The following TRMT1L variants were observed in gnomAD, a reference collection of about 807,000 sequenced individuals.
TRMT1L encodes the protein tRNA (guanine(27)-N(2))-dimethyltransferase.
TRMT1L carries 28 observed loss-of-function variants against 81.6 expected under a neutral mutation model. The observed-to-expected ratio is 0.34, with a 90% CI of 0.25 to 0.47. The LOEUF (loss-of-function observed/expected upper bound fraction) is 0.47. Ranked by LOEUF, TRMT1L falls within the 20% of genes least tolerant of loss-of-function variation. The pLI, the probability that TRMT1L is intolerant of heterozygous loss-of-function variation, is 1.00. For synonymous variants in TRMT1L, 301 were observed against 303.2 expected (o/e 0.99, Z 0.07); for missense variants, 739 against 877.1 (o/e 0.84, Z 1.99).
At chr1:185,135,410 C>T (rs1293621736) in intron 10 of TRMT1L, among the ~76,000 whole-genome samples, 14 of 142,730 alleles carry the variant, frequency 9.8e-5, no homozygotes, top group Non-Finnish European at 2.1e-4. Context: ...AATGAGACTC[C>T]GTCTCAAAAA....
chr1:185,151,938 GAA>G lies in TRMT1L; in HGVS notation c.236-5_236-4del. ...CCTTTGAATTGAGATGTGTCTCTCT[GAA>G]AAAAAAAATTGAGAAGATTATGCTT... On this transcript the variant is annotated splice_polypyrimidine_tract_variant and splice_region_variant and intron_variant, in intron 1 of 14. Transcript: ENST00000367506. 3.4e-6 allele frequency: 5 copies of G among 1,485,452 alleles called. No homozygotes were observed. Among genetic ancestry groups the G allele is most frequent in the East Asian group, 2.4e-5 (1 of 41,266 alleles). 92.0% of individuals were successfully genotyped at this position (1,485,452 alleles called of 1,614,324 possible).
intron 11 of TRMT1L, among the ~76,000 whole-genome samples, chr1:185,125,841 G>A (rs763545770): frequency 1.3e-5 from 2 of 152,004 alleles, no homozygotes; most frequent in Non-Finnish European, 2.9e-5. Context: ...GCAATGAAGA[G>A]GTTTTCACAA....
In TRMT1L at chr1:185,137,652, C is replaced by G; in HGVS notation, c.1467G>C (p.Gln489His). 6.2e-7 allele frequency: 1 copy of G among 1,614,156 alleles called. No homozygotes were observed. Among genetic ancestry groups the G allele is most frequent in the Non-Finnish European group, 8.5e-7 (1 of 1,180,016 alleles). ...TCTGAAAAATTCTCTCTTCACACCA[C>G]TGACAATGGATCAGGTATTGAATCT... ...AKKIQYLIHC[Q>H]WCEERIFQKD... The change falls in exon 10 of 15, where the codon CAG becomes CAC. Residue 489 changes from glutamine to histidine, a missense_variant. Physicochemically the swap from Gln to His is conservative, Grantham distance 24. Coordinates refer to ENST00000367506, the MANE Select transcript of TRMT1L (RefSeq NM_030934.5).
intron 6 of TRMT1L, 62 bp downstream of exon 6, chr1:185,143,844 A>G: frequency 7.1e-7 from 1 of 1,418,250 alleles, no homozygotes; most frequent in Admixed American, 2.1e-5. Flanking sequence ...CATAAAGGTT[A>G]AGAGAAGGTA....
rs1423017654 is a variant in TRMT1L at position 185,137,733 on chromosome 1, C to T, written c.1386G>A (p.Val462=). 6.2e-7 allele frequency: 1 copy of T among 1,614,124 alleles called. No individual in the cohort carries two copies. Among genetic ancestry groups the T allele is most frequent in the Non-Finnish European group, 8.5e-7 (1 of 1,180,010 alleles). The part of the protein sequence containing the change: ...VLFAVALEHF[V]LVVVRVLRGP... ...CCCTCAAAACTCTCACAACTACCAA[C>T]ACAAAATGTTCCAGAGCCACTGCAA... The change falls in exon 10 of 15, where the codon GTG becomes GTA. Residue 462 remains valine, a synonymous_variant. Coordinates refer to ENST00000367506, the MANE Select transcript of TRMT1L (RefSeq NM_030934.5).
chr1:185,147,313 C>T, intron 3 of TRMT1L, 67 bp from the exon 4 acceptor site: 2 of 1,226,758 alleles, frequency 1.6e-6, no homozygotes, highest in Non-Finnish European at 2.4e-6. Flanking sequence ...AAATTATAAG[C>T]AAGTTTTATT....
intron 12 of TRMT1L, 29 bp from the exon 13 acceptor site, chr1:185,123,948 A>G (rs1379393383): frequency 2.4e-6 from 3 of 1,270,956 alleles, no homozygotes; most frequent in Non-Finnish European, 3.3e-6. Flanking sequence ...GGGAAAAGAA[A>G]ATATTTTACA....
At position 185,145,469 on chromosome 1, in the gene TRMT1L, T is replaced by C; in HGVS notation, c.625A>G (p.Lys209Glu). 1 of 1,611,898 alleles carries C rather than the reference T, an allele frequency of 6.2e-7. No homozygotes were observed. The highest frequency in any genetic ancestry group is 8.5e-7 in the Non-Finnish European group (1 of 1,178,492). Residue 209 changes from lysine (K) to glutamate (E), a missense_variant, in exon 5 of 15, where the codon AAA (lysine) becomes GAA (glutamate). By Grantham distance (56) the Lys-to-Glu change is moderately conservative (BLOSUM62 1). Coordinates refer to ENST00000367506, the MANE Select transcript of TRMT1L (RefSeq NM_030934.5). The stretch of plus-strand genomic sequence containing the variant: ...ATATAACTAGATTTAGTCTCTCCTT[T>C]ATTCATGTGGCGCCTAACATGTCCT... ...MLGHVRRHMN[K>E]GETKSSYIAA...
chr1:185,150,832 A>G (rs1439149436), intron 2 of TRMT1L, among the ~76,000 whole-genome samples: 1 of 152,258 alleles, frequency 6.6e-6, no homozygotes, highest in African/African-American at 2.4e-5. Flanking sequence ...GACAGCTGAA[A>G]GGACAGCAGT....
rs745514261 is a variant in TRMT1L, at chr1:185,144,042, A to C, written c.656-13T>G. ...TTAGCAGTGGAAGCTAAGATGGAAA[A>C]AAGAAAAGATTTCCAGGGAAACACA... On this transcript the variant is annotated splice_polypyrimidine_tract_variant and intron_variant, in intron 5 of 14. Coordinates refer to ENST00000367506, the MANE Select transcript of TRMT1L (RefSeq NM_030934.5). 5.8e-6 allele frequency: 9 copies of C among 1,562,852 alleles called. No homozygotes were observed. Among genetic ancestry groups the C allele is most frequent in the Non-Finnish European group, 7.8e-6 (9 of 1,158,772 alleles).
intron 11 of TRMT1L, among the ~76,000 whole-genome samples, chr1:185,126,395 C>G (rs1025110541): frequency 6.6e-6 from 1 of 151,996 alleles, no homozygotes; most frequent in African/African-American, 2.4e-5. Context: ...CCCGGGTTCA[C>G]GACATTCTCC....
chr1:185,125,316 T>C lies in TRMT1L; in HGVS notation c.1593-206A>G, dbSNP rs539534467. On this transcript the variant is annotated intron_variant, in intron 11 of 14. Transcript: ENST00000367506. Reference sequence around the variant, plus strand: ...TTTTTTGAGATAGAGTCCCGTCCTGTTGCCTAGGCTATAGTATTTTATTAT... The same window carrying C: ...TTTTTTGAGATAGAGTCCCGTCCTGCTGCCTAGGCTATAGTATTTTATTAT... Among the ~76,000 whole-genome samples, 26 of 152,226 alleles carry C rather than the reference T, an allele frequency of 1.7e-4. No homozygotes were observed. In the East Asian group the frequency reaches 4.6e-3, roughly 27 times the overall value.
rs1653612486 is a variant in TRMT1L, at chr1:185,156,764, G to A, written c.-52C>T. 2 of 1,605,640 alleles carry A rather than the reference G, an allele frequency of 1.2e-6. No homozygotes were observed. The highest frequency in any genetic ancestry group is 1.7e-6 in the Non-Finnish European group (2 of 1,176,726). ...CCGGGGACCCGGAGCGGGGCTCACG[G>A]CGGGGTCAGAGAACTGACGTGAATG... On this transcript the variant is annotated 5_prime_UTR_variant, in exon 1 of 15. Transcript: ENST00000367506.
At chr1:185,132,963 C>T (rs1324774753) in intron 10 of TRMT1L, among the ~76,000 whole-genome samples, 1 of 152,046 alleles carries the variant, frequency 6.6e-6, no homozygotes, top group Non-Finnish European at 1.5e-5. Flanking sequence ...AACAGAAGCC[C>T]TTGCACAACA....
chr1:185,126,754 C>A (rs1344098607), intron 11 of TRMT1L, among the ~76,000 whole-genome samples: 1 of 152,066 alleles, frequency 6.6e-6, no homozygotes, highest in Non-Finnish European at 1.5e-5. Context: ...ATTCATAATC[C>A]CAGCACTTCG....
intron 12 of TRMT1L, among the ~76,000 whole-genome samples, chr1:185,124,380 C>A (rs1177806039): frequency 2.0e-5 from 3 of 148,132 alleles, no homozygotes; most frequent in Non-Finnish European, 4.5e-5. Context: ...AAATTAAAAA[C>A]ACACAAAAAA....
intron 5 of TRMT1L, 133 bp from the exon 6 acceptor site, chr1:185,144,162 T>G: frequency 9.6e-7 from 1 of 1,039,026 alleles, no homozygotes; most frequent in African/African-American, 1.6e-5. Flanking sequence ...CTTTATATTA[T>G]TTTGTGTTAA....
intron 1 of TRMT1L, among the ~76,000 whole-genome samples, chr1:185,154,704 G>C (rs549816418): frequency 6.6e-6 from 1 of 152,162 alleles, no homozygotes; most frequent in South Asian, 2.1e-4. Context: ...AAATCCTGTG[G>C]TCTACTACTG....
chr1:185,128,070 C>T (rs893107176), intron 11 of TRMT1L, among the ~76,000 whole-genome samples: 3 of 151,596 alleles, frequency 2.0e-5, no homozygotes, highest in Non-Finnish European at 2.9e-5. Flanking sequence ...GCCGATATTG[C>T]GCCACTGCAC....
Sources: allele counts gnomAD v4.1 joint callset (sites outside exome capture counted in the v4.1 genomes callset), GRCh38; gene constraint gnomAD v4.1.1; transcripts MANE v1.5; gene names NCBI Gene and HGNC (gene_info 2026-07-23, HGNC 2026-07-21).